GRIN2B: variants seen among roughly 807,000 people sequenced by gnomAD.
GRIN2B encodes glutamate receptor ionotropic, NMDA 2B.
Under a neutral mutation model 114.5 loss-of-function variants are expected in GRIN2B, and 5 were observed. The ratio of observed to expected loss-of-function variants is 0.04; its 90% CI spans 0.02 to 0.09. The LOEUF is 0.09. Ranked by LOEUF, GRIN2B falls within the 10% of genes least tolerant of loss-of-function variation. The pLI, the probability that GRIN2B is intolerant of heterozygous loss-of-function variation, is 1.00. For synonymous variants in GRIN2B, 787 were observed against 745.1 expected, an observed-to-expected ratio of 1.06 and a Z score of -0.92; for missense variants, 1,108 against 1,943.5, an observed-to-expected ratio of 0.57 and a Z score of 8.08.
chr12:13,849,062 T>C lies in GRIN2B; in HGVS notation c.411+16736A>G, dbSNP rs1320448982. ...ATAGTACTTTCCTCAATAAAATTAG[T>C]CACCAATTTGTTCTTGGAGAACAAC... On this transcript the variant is annotated intron_variant, in intron 3 of 13. Coordinates refer to ENST00000609686, the MANE Select transcript of GRIN2B (RefSeq NM_000834.5). Among the ~76,000 whole-genome samples, 5 of 152,120 alleles carry C rather than the reference T, an allele frequency of 3.3e-5. No homozygotes were observed. The East Asian group carries it at 9.6e-4, about 29-fold the overall frequency.
At chr12:13,652,982 T>C (rs1023730589) in intron 5 of GRIN2B, among the ~76,000 whole-genome samples, 3 of 152,162 alleles carry the variant, frequency 2.0e-5, no homozygotes, top group Admixed American at 2.0e-4. Context: ...GTCAGGGAAC[T>C]GACATGAATA....
chr12:13,735,314 G>T (rs530957185), intron 4 of GRIN2B, among the ~76,000 whole-genome samples: 1 of 152,162 alleles, frequency 6.6e-6, no homozygotes, highest in South Asian at 2.1e-4. Flanking sequence ...AGACATGAAG[G>T]TGATAGGTTT....
intron 10 of GRIN2B, among the ~76,000 whole-genome samples, chr12:13,580,420 T>C (rs1948832354): frequency 1.3e-5 from 2 of 152,222 alleles, no homozygotes; most frequent in Admixed American, 6.5e-5. Context: ...ATATAGAATC[T>C]GGGGGCTTTT....
intron 5 of GRIN2B, among the ~76,000 whole-genome samples, chr12:13,646,352 T>C (rs1292915446): frequency 6.6e-6 from 1 of 152,144 alleles, no homozygotes; most frequent in East Asian, 1.9e-4. Flanking sequence ...TATACAGGAA[T>C]AAAGGCACTG....
chr12:13,971,152 T>C (rs990481793), intron 2 of GRIN2B, among the ~76,000 whole-genome samples: 3 of 152,178 alleles, frequency 2.0e-5, no homozygotes, highest in Admixed American at 2.0e-4. Context: ...GTCTTAGTTT[T>C]CTCCTAAATA....
intron 4 of GRIN2B, among the ~76,000 whole-genome samples, chr12:13,735,855 A>C (rs60621441): frequency 0.012 from 1,795 of 152,048 alleles, 36 homozygotes; most frequent in African/African-American, 0.04. Flanking sequence ...AGTGTGGAGA[A>C]GTAGGATCCT....
Position 13,588,600 on chromosome 12 carries a change from C to T in GRIN2B, c.2011-16636G>A, listed in dbSNP as rs79136048. On this transcript the variant is annotated intron_variant, in intron 10 of 13. Transcript: ENST00000609686. ...TCTTACAGGATGTAAAACCACACTG[C>T]ACTAGAACTAGAAGGGACAGGAACA... 1.1e-3 allele frequency among the ~76,000 whole-genome samples: 167 copies of T among 152,308 alleles called. 1 individual carries two copies. The East Asian group carries it at 0.029, about 26-fold the overall frequency.
At chr12:13,731,531 G>A (rs974131017) in intron 4 of GRIN2B, among the ~76,000 whole-genome samples, 4 of 152,158 alleles carry the variant, frequency 2.6e-5, no homozygotes, top group Non-Finnish European at 5.9e-5. Context: ...AACTCGGGAG[G>A]TGGAGCTTGC....
chr12:13,971,505 G>C (rs949072198), intron 2 of GRIN2B, among the ~76,000 whole-genome samples: 3 of 152,092 alleles, frequency 2.0e-5, no homozygotes, highest in Non-Finnish European at 4.4e-5. Context: ...CCTCCTCTGC[G>C]TGCCTTTAAT....
rs564472383 is a variant in GRIN2B, at chr12:13,965,603, T to C, written c.-19+14325A>G. Among the ~76,000 whole-genome samples, 4 of 152,146 alleles carry C rather than the reference T, an allele frequency of 2.6e-5. No homozygotes were observed. In the East Asian group the frequency reaches 7.7e-4, roughly 29 times the overall value. On this transcript the variant is annotated intron_variant, in intron 2 of 13. Coordinates refer to ENST00000609686, the MANE Select transcript of GRIN2B (RefSeq NM_000834.5). ...CACGTGTGTGTGATTGTATGTTAGT[T>C]ACCAGTTCCCAATTATATTTCTAAG...
chr12:13,833,155 A>T (rs1865184515), intron 3 of GRIN2B, among the ~76,000 whole-genome samples: 1 of 152,234 alleles, frequency 6.6e-6, no homozygotes, highest in Admixed American at 6.5e-5. Flanking sequence ...ATTAAAAATT[A>T]TCATCCCCTG....
rs558884757 is a variant in GRIN2B at position 13,977,001 on chromosome 12, T to C, written c.-19+2927A>G. Among the ~76,000 whole-genome samples, 11 of 152,282 alleles carry C rather than the reference T, an allele frequency of 7.2e-5. No homozygotes were observed. In the East Asian group the frequency reaches 1.9e-3, roughly 27 times the overall value. ...TGTACATGAAGGTCAGGGAAGACAGTCAAGATTCCAAAGCTATCTTTCTGG... is the reference window on the plus strand; with the variant it reads ...TGTACATGAAGGTCAGGGAAGACAGCCAAGATTCCAAAGCTATCTTTCTGG... On this transcript the variant is annotated intron_variant, in intron 2 of 13. Transcript: ENST00000609686.
At chr12:13,936,591 T>A (rs915563405) in intron 2 of GRIN2B, among the ~76,000 whole-genome samples, 10 of 152,288 alleles carry the variant, frequency 6.6e-5, no homozygotes, top group Admixed American at 2.6e-4. Context: ...AATTAATACT[T>A]TTCTAAGGGA....
At position 13,660,339 on chromosome 12, in the gene GRIN2B, C is replaced by G. The variant is rs376839150; in HGVS notation, c.1125+15406G>C. 5.9e-5 allele frequency among the ~76,000 whole-genome samples: 9 copies of G among 152,230 alleles called. No individual in the cohort carries two copies. The East Asian group carries it at 9.7e-4, about 16-fold the overall frequency. On this transcript the variant is annotated intron_variant, in intron 5 of 13. Coordinates refer to ENST00000609686, the MANE Select transcript of GRIN2B (RefSeq NM_000834.5). ...CATACCTGTGTGATTTTCTTAACCC[C>G]TCTGTTAAAAGGGTACATTTCTTGA...
At chr12:13,745,601 C>G (rs1863365718) in intron 4 of GRIN2B, among the ~76,000 whole-genome samples, 1 of 152,238 alleles carries the variant, frequency 6.6e-6, no homozygotes, top group African/African-American at 2.4e-5. Flanking sequence ...AGTGACCGCT[C>G]TGAGACTGTG....
At chr12:13,848,307 C>T (rs971219131) in intron 3 of GRIN2B, among the ~76,000 whole-genome samples, 1 of 152,130 alleles carries the variant, frequency 6.6e-6, no homozygotes, top group South Asian at 2.1e-4. Flanking sequence ...TGGACCCTGG[C>T]AAGGACTTAG....
At chr12:13,842,435 A>G (rs2136716286) in intron 3 of GRIN2B, among the ~76,000 whole-genome samples, 1 of 152,192 alleles carries the variant, frequency 6.6e-6, no homozygotes, top group Non-Finnish European at 1.5e-5. Flanking sequence ...ATCGTCCCCC[A>G]GATCTTGGTT....
At chr12:13,842,398 G>C (rs1278668673) in intron 3 of GRIN2B, among the ~76,000 whole-genome samples, 3 of 152,148 alleles carry the variant, frequency 2.0e-5, no homozygotes, top group Non-Finnish European at 4.4e-5. Context: ...CCCGGCTTTT[G>C]TAGCTCACTG....
chr12:13,974,289 CTG>C (rs1862978485), intron 2 of GRIN2B, among the ~76,000 whole-genome samples: 1 of 152,230 alleles, frequency 6.6e-6, no homozygotes, highest in African/African-American at 2.4e-5. Context: ...AAGATGAAAA[CTG>C]TATCATTTGC....
Sources: gnomAD v4.1 joint callset for allele counts (sites outside exome capture counted in the v4.1 genomes callset) on GRCh38, gnomAD v4.1.1 for gene constraint, MANE v1.5 for transcripts, NCBI Gene and HGNC (gene_info 2026-07-23, HGNC 2026-07-21) for gene names.